Variants in PIK3R6 observed in about 807,000 individuals in gnomAD.
PIK3R6 encodes phosphoinositide-3-kinase regulatory subunit 6.
Under a neutral mutation model 84.9 loss-of-function variants are expected in PIK3R6, and 91 were observed. That is an observed-to-expected ratio of 1.07 (90% CI 0.90 to 1.28). The LOEUF (loss-of-function observed/expected upper bound fraction) is 1.28, where lower values mean the gene tolerates loss of function less well. Ranked by LOEUF, PIK3R6 falls within the 50% of genes most tolerant of loss-of-function variation. The pLI, the probability that PIK3R6 is intolerant of heterozygous loss-of-function variation, is 0.00. For synonymous variants in PIK3R6, 416 were observed against 411.4 expected (o/e 1.01, Z -0.13); for missense variants, 996 against 985.1 (o/e 1.01, Z -0.15).
intron 18 of PIK3R6, among the ~76,000 whole-genome samples, chr17:8,816,741 AT>A (rs2087555227): frequency 6.6e-6 from 1 of 152,250 alleles, no homozygotes; most frequent in Non-Finnish European, 1.5e-5. Flanking sequence ...TGATCATCAA[AT>A]TTGTGAAGAT....
chr17:8,864,529 CTTTTTTT>C (rs35714531), intron 1 of PIK3R6, among the ~76,000 whole-genome samples: 32 of 65,598 alleles, frequency 4.9e-4, no homozygotes, highest in African/African-American at 2.2e-3. Flanking sequence ...CTTCACAGCT[CTTTTTTT>C]TTTTTTTTTT....
At chr17:8,812,216 A>G (rs2087379175) in intron 18 of PIK3R6, among the ~76,000 whole-genome samples, 1 of 152,162 alleles carries the variant, frequency 6.6e-6, no homozygotes, top group South Asian at 2.1e-4. Context: ...ATTACCTCCA[A>G]CTGGGTCCCT....
intron 2 of PIK3R6, among the ~76,000 whole-genome samples, chr17:8,846,643 C>A (rs1261972575): frequency 6.6e-6 from 1 of 152,008 alleles, no homozygotes; most frequent in African/African-American, 2.4e-5. Context: ...TTCTTTTTAG[C>A]AGTGCTTTGT....
At chr17:8,823,215 C>A in intron 14 of PIK3R6, 129 bp from the exon 15 acceptor site, 1 of 842,472 alleles carries the variant, frequency 1.2e-6, no homozygotes, top group Non-Finnish European at 1.9e-6. Flanking sequence ...GATTTGAGGT[C>A]TTGAAGTTAA....
rs769575442 is a variant in PIK3R6, at chr17:8,823,466, T to C, written c.1547A>G (p.Asp516Gly). The C allele has an allele frequency of 1.2e-6, 2 of 1,612,226 alleles. No homozygotes were observed. Among genetic ancestry groups the C allele is most frequent in the Non-Finnish European group, 8.5e-7 (1 of 1,178,866 alleles). Residue 516 changes from aspartate to glycine, a missense_variant, in exon 14 of 20, where the codon GAC (aspartate) becomes GGC (glycine). By Grantham distance (94) the Asp-to-Gly change is moderately conservative. Coordinates refer to ENST00000619866, the MANE Select transcript of PIK3R6 (RefSeq NM_001010855.4). ...PPSLDTSRTV[D>G]PFILDVITYY... ...GGTGATGACGTCTAGGATGAAGGGG[T>C]CCACAGTCCGGGATGTGTCCAGGGA...
At chr17:8,805,532 A>T (rs1432525589) in intron 18 of PIK3R6, among the ~76,000 whole-genome samples, 2 of 152,194 alleles carry the variant, frequency 1.3e-5, no homozygotes, top group Non-Finnish European at 2.9e-5. Context: ...GTAAAGACAG[A>T]TTTAACAAAA....
Position 8,803,295 on chromosome 17 carries a change from G to A in PIK3R6, c.2243C>T (p.Thr748Ile), listed in dbSNP as rs1159775862. The change falls in exon 20 of 20, where the codon ACA becomes ATA. Residue 748 changes from threonine (T) to isoleucine (I), a missense_variant. Coordinates refer to ENST00000619866, the MANE Select transcript of PIK3R6 (RefSeq NM_001010855.4). The surrounding 1 kb of genome is among the most constrained non-coding windows in gnomAD (Gnocchi z 5.0). Reference sequence around the variant, plus strand: ...GGCTCACTGGACAATACCAGAGAATGTGTTGATGGGCATCAGAAGGGGCTT... The same window carrying A: ...GGCTCACTGGACAATACCAGAGAATATGTTGATGGGCATCAGAAGGGGCTT... ...KPKPLLMPIN[T>I]FSGIVQ 1.9e-6 allele frequency: 3 copies of A among 1,612,854 alleles called. No individual in the cohort carries two copies. Among genetic ancestry groups the A allele is most frequent in the Non-Finnish European group, 2.5e-6 (3 of 1,179,884 alleles).
intron 10 of PIK3R6, among the ~76,000 whole-genome samples, chr17:8,829,303 C>CAT (rs2088096459): frequency 8.2e-6 from 1 of 122,326 alleles, no homozygotes; most frequent in African/African-American, 3.3e-5. Context: ...CATACACACA[C>CAT]ACTGACACAC....
At position 8,828,989 on chromosome 17, in the gene PIK3R6, C is replaced by T. The variant is rs773900454; in HGVS notation, c.891G>A (p.Trp297Ter). The change falls in exon 11 of 20, where the codon TGG becomes TGA. Residue 297 changes from tryptophan (W) to a stop codon, truncating the protein, a stop_gained and splice_region_variant. Transcript: ENST00000619866. LOFTEE classifies it high-confidence loss of function. ...FHLWTGEEQL[W>*]KELVLFLRPR... The stretch of plus-strand genomic sequence containing the variant: ...GGCGGAGGAAGAGCACCAGTTCCTT[C>T]CCTGGGGTGGGGGAACAAGGGCGGT... 2.7e-6 allele frequency: 4 copies of T among 1,494,656 alleles called. No homozygotes were observed. Among genetic ancestry groups the T allele is most frequent in the African/African-American group, 2.8e-5 (2 of 70,432 alleles). 92.6% of individuals were successfully genotyped at this position (1,494,656 alleles called of 1,614,324 possible). A position where few individuals can be genotyped will look rare whatever the true frequency, so the allele number is the denominator to read the frequency against.
At position 8,818,085 on chromosome 17, in the gene PIK3R6, C is replaced by T. The variant is rs543828880; in HGVS notation, c.1995+998G>A. Among the ~76,000 whole-genome samples the T allele has an allele frequency of 2.6e-4, 40 of 152,194 alleles. No individual in the cohort carries two copies. In the East Asian group the frequency reaches 5.6e-3, roughly 21 times the overall value. ...AAAGGGCTGAGTGATCCCAAGGATC[C>T]GCGTGAGCGGGAGGTCATGAGTTTG... On this transcript the variant is annotated intron_variant, in intron 18 of 19. Coordinates refer to ENST00000619866, the MANE Select transcript of PIK3R6 (RefSeq NM_001010855.4).
chr17:8,832,921 G>T lies in PIK3R6; in HGVS notation c.770C>A (p.Ser257Ter). The T allele has an allele frequency of 6.2e-7, 1 of 1,612,876 alleles. No individual in the cohort carries two copies. Among genetic ancestry groups the T allele is most frequent in the Non-Finnish European group, 8.5e-7 (1 of 1,179,740 alleles). Reference protein sequence around the residue: ...HVERLEEIYCSLLGPAAGRCG... With the variant: ...HVERLEEIYC ...GCGCCCCGCCGCGGGACCCAGCAGC[G>T]AGCAGTAAATCTCCTCCAGCCTCTC... Residue 257 changes from serine to a stop codon, truncating the protein, a stop_gained, in exon 9 of 20, where the codon TCG becomes TAG. Coordinates refer to ENST00000619866, the MANE Select transcript of PIK3R6 (RefSeq NM_001010855.4). LOFTEE classifies it high-confidence loss of function.
chr17:8,824,026 T>G (rs1342186640), intron 13 of PIK3R6, among the ~76,000 whole-genome samples: 4 of 152,154 alleles, frequency 2.6e-5, no homozygotes, highest in African/African-American at 9.7e-5. Context: ...TCTCAACACT[T>G]TGGGAGGCTG....
Position 8,839,664 on chromosome 17 carries a change from G to C in PIK3R6, c.47C>G (p.Ala16Gly). 6.3e-7 allele frequency: 1 copy of C among 1,579,872 alleles called. No individual in the cohort carries two copies. Among genetic ancestry groups the C allele is most frequent in the South Asian group, 1.2e-5 (1 of 86,160 alleles). ...CTGGGTGCTGAGCTCCCGGAGCACA[G>C]CCTGCACGCTCCTCTGGAGGTCCAG... ...VELDLQRSVQ[A>G]VLRELSTQAP... is the part of the protein sequence containing the mutation. The change falls in exon 3 of 20, where the codon GCT becomes GGT. Residue 16 changes from alanine (A) to glycine (G), a missense_variant. Physicochemically the swap from Ala to Gly is moderately conservative, Grantham distance 60. Coordinates refer to ENST00000619866, the MANE Select transcript of PIK3R6 (RefSeq NM_001010855.4). The surrounding 1 kb of genome is among the most constrained non-coding windows in gnomAD (Gnocchi z 4.2).
chr17:8,836,789 A>C lies in PIK3R6; in HGVS notation c.391+2T>G. 1.2e-6 allele frequency: 2 copies of C among 1,610,368 alleles called. No homozygotes were observed. The highest frequency in any genetic ancestry group is 8.5e-7 in the Non-Finnish European group (1 of 1,178,302). On this transcript the variant is annotated splice_donor_variant, in intron 6 of 19. Transcript: ENST00000619866. LOFTEE classifies it high-confidence loss of function. ...GAGACAAAGATGCCCAGTGACTCTT[A>C]CCTGGGACAGCCATCTCCGTTTTCA...
Position 8,839,751 on chromosome 17 carries a change from C to T in PIK3R6, c.14-54G>A. 1 of 1,404,650 alleles carries T rather than the reference C, an allele frequency of 7.1e-7. No homozygotes were observed. Among genetic ancestry groups the T allele is most frequent in the Non-Finnish European group, 9.8e-7 (1 of 1,021,400 alleles). The allele number at this position is 1,404,650 out of a possible 1,614,324, so 87.0% of individuals were successfully genotyped here. ...TCAGTCCACTGAACCTCACCCTCGTCCCACCTCCATTCCTTCCGAGAGTGT... is the reference window on the plus strand; with the variant it reads ...TCAGTCCACTGAACCTCACCCTCGTTCCACCTCCATTCCTTCCGAGAGTGT... On this transcript the variant is annotated intron_variant, in intron 2 of 19. Transcript: ENST00000619866. The surrounding 1 kb of genome is among the most constrained non-coding windows in gnomAD (Gnocchi z 4.2).
rs757064713 is a variant in PIK3R6, at chr17:8,839,663, A to G, written c.48T>C (p.Ala16=). The G allele has an allele frequency of 6.3e-7, 1 of 1,580,120 alleles. No individual in the cohort carries two copies. Among genetic ancestry groups the G allele is most frequent in the East Asian group, 2.3e-5 (1 of 43,400 alleles). ...VELDLQRSVQ[A]VLRELSTQAP... is the part of the protein sequence containing the mutation. ...CCTGGGTGCTGAGCTCCCGGAGCAC[A>G]GCCTGCACGCTCCTCTGGAGGTCCA... is the stretch of plus-strand genomic sequence containing the variant. Residue 16 remains alanine (A), a synonymous_variant, in exon 3 of 20, where the codon GCT becomes GCC. Transcript: ENST00000619866. This position sits in a 1 kb window ranked among gnomAD's most constrained non-coding sequence, Gnocchi z 4.2.
intron 18 of PIK3R6, among the ~76,000 whole-genome samples, chr17:8,814,876 A>G (rs2087479310): frequency 6.6e-6 from 1 of 152,194 alleles, no homozygotes; most frequent in Non-Finnish European, 1.5e-5. Context: ...TTCTTGTGAC[A>G]TTCAGAATCT....
intron 13 of PIK3R6, among the ~76,000 whole-genome samples, chr17:8,824,976 TA>T (rs1472941136): frequency 1.3e-5 from 2 of 152,262 alleles, no homozygotes; most frequent in Non-Finnish European, 2.9e-5. Context: ...ATTAATGTTA[TA>T]TTTTTTACCG....
At position 8,839,134 on chromosome 17, in the gene PIK3R6, G is replaced by A. The variant is rs1026769968; in HGVS notation, c.98-479C>T. On this transcript the variant is annotated intron_variant, in intron 3 of 19. Transcript: ENST00000619866. This position sits in a 1 kb window ranked among gnomAD's most constrained non-coding sequence, Gnocchi z 4.2. ...AGGCTGAGACAGGCGGGTCACTTGC[G>A]GTCAGGAGTTCGAGACCAACCTGGC... Among the ~76,000 whole-genome samples the A allele has an allele frequency of 4.6e-5, 7 of 152,082 alleles. No individual in the cohort carries two copies. The highest frequency in any genetic ancestry group is 7.2e-5 in the African/African-American group (3 of 41,388).
Sources: allele counts gnomAD v4.1 joint callset (sites outside exome capture counted in the v4.1 genomes callset), GRCh38; gene constraint gnomAD v4.1.1; non-coding constraint Gnocchi (gnomAD v3.1); transcripts MANE v1.5; gene names NCBI Gene and HGNC (gene_info 2026-07-23, HGNC 2026-07-21).